Variants in SHANK2 observed in about 807,000 individuals in gnomAD.
SHANK2 encodes the protein SH3 and multiple ankyrin repeat domains protein 2.
A neutral mutation model predicts 133.7 loss-of-function variants in SHANK2; 43 were observed. The ratio of observed to expected loss-of-function variants is 0.32; its 90% confidence interval spans 0.25 to 0.41. The LOEUF (loss-of-function observed/expected upper bound fraction) is 0.41, where lower values mean the gene tolerates loss of function less well. Ranked by LOEUF, SHANK2 falls within the 10% of genes least tolerant of loss-of-function variation. SHANK2 has a pLI of 1.00. For missense variants in SHANK2, 1,994 were observed against 2,235.8 expected, an observed-to-expected ratio of 0.89 and a Z score of 2.18; for synonymous variants, 1,017 against 952.8, an observed-to-expected ratio of 1.07 and a Z score of -1.24.
chr11:70,810,558 G>T (rs904553235), intron 12 of SHANK2, among the ~76,000 whole-genome samples: 2 of 152,200 alleles, frequency 1.3e-5, no homozygotes, highest in Admixed American at 1.3e-4. Flanking sequence ...CATCTGCCCC[G>T]AGTGATGAAG....
Position 70,662,622 on chromosome 11 carries a change from G to C in SHANK2, c.1854-944C>G, listed in dbSNP as rs557310267. Among the ~76,000 whole-genome samples, 12 of 152,326 alleles carry C rather than the reference G, an allele frequency of 7.9e-5. No individual in the cohort carries two copies. The South Asian group carries it at 2.1e-3, about 26-fold the overall frequency. On this transcript the variant is annotated intron_variant, in intron 15 of 25. Coordinates refer to ENST00000601538, the MANE Select transcript of SHANK2 (RefSeq NM_012309.5). ...TGAATTCATTGCTGGGGAACTGGAGGGGGTATGTGGCTGCCCCTTTGAGAT... is the reference window on the plus strand; with the variant it reads ...TGAATTCATTGCTGGGGAACTGGAGCGGGTATGTGGCTGCCCCTTTGAGAT...
At chr11:70,796,784 C>T (rs782444182) in intron 14 of SHANK2, among the ~76,000 whole-genome samples, 2 of 152,180 alleles carry the variant, frequency 1.3e-5, no homozygotes, top group Admixed American at 1.3e-4. Context: ...CAGAAGCTCC[C>T]CCTGGTGACC....
intron 16 of SHANK2, 31 bp downstream of exon 16, chr11:70,661,565 A>T: frequency 1.3e-6 from 2 of 1,550,378 alleles, no homozygotes; most frequent in Non-Finnish European, 1.8e-6. Context: ...AAACATGGGA[A>T]CATATTCAGG....
At chr11:70,508,447 T>G (rs2059160950) in intron 17 of SHANK2, among the ~76,000 whole-genome samples, 1 of 152,232 alleles carries the variant, frequency 6.6e-6, no homozygotes, top group Non-Finnish European at 1.5e-5. Context: ...CCCCAGACAC[T>G]TGTTCTGGAC....
chr11:70,788,317 G>A (rs2135161021), intron 14 of SHANK2, among the ~76,000 whole-genome samples: 1 of 152,292 alleles, frequency 6.6e-6, no homozygotes, highest in Non-Finnish European at 1.5e-5. Context: ...TTTATCCATG[G>A]TTTCACTTTC....
In SHANK2 at chr11:70,739,628, C is replaced by CAGGGTCAGCTGGGCCCCAGGG. The variant is rs1468645598; in HGVS notation, c.1778-40886_1778-40866dup. Reference sequence around the variant, plus strand: ...GTTGGTCCAGGGTCCCACCACCAGCCAGGGTCAGCTGGGCCCCAGGGAGGC... The same window carrying CAGGGTCAGCTGGGCCCCAGGG: ...GTTGGTCCAGGGTCCCACCACCAGCCAGGGTCAGCTGGGCCCCAGGGAGGGTCAGCTGGGCCCCAGGGAGGC... On this transcript the variant is annotated intron_variant, in intron 14 of 25. Transcript: ENST00000601538. The surrounding 1 kb of genome is among the most constrained non-coding windows in gnomAD (Gnocchi z 4.3). Among the ~76,000 whole-genome samples the CAGGGTCAGCTGGGCCCCAGGG allele has an allele frequency of 6.6e-6, 1 of 152,128 alleles. No homozygotes were observed. Among genetic ancestry groups the CAGGGTCAGCTGGGCCCCAGGG allele is most frequent in the Non-Finnish European group, 1.5e-5 (1 of 68,024 alleles).
intron 21 of SHANK2, among the ~76,000 whole-genome samples, chr11:70,499,220 C>G (rs1463338740): frequency 2.0e-5 from 3 of 152,268 alleles, no homozygotes; most frequent in African/African-American, 7.2e-5. Context: ...CTTCAGTCCC[C>G]AGCTGGATCC....
intron 14 of SHANK2, among the ~76,000 whole-genome samples, chr11:70,702,391 TCAC>T (rs1332679702): frequency 6.7e-6 from 1 of 150,348 alleles, no homozygotes; most frequent in African/African-American, 2.5e-5. Context: ...ACCACCATCA[TCAC>T]CACCATCCTC....
intron 14 of SHANK2, among the ~76,000 whole-genome samples, chr11:70,746,140 AC>A: frequency 6.6e-6 from 1 of 152,336 alleles, no homozygotes; most frequent in South Asian, 2.1e-4. Context: ...GGTGACTCTG[AC>A]ACGGTCCAGG....
intron 14 of SHANK2, among the ~76,000 whole-genome samples, chr11:70,786,690 A>G (rs1947660972): frequency 6.6e-6 from 1 of 152,138 alleles, no homozygotes; most frequent in African/African-American, 2.4e-5. Context: ...AATTTCAAGA[A>G]CTAGAAGGGG....
chr11:71,192,447 C>G (rs1427540614), intron 2 of SHANK2, among the ~76,000 whole-genome samples: 1 of 152,170 alleles, frequency 6.6e-6, no homozygotes, highest in Admixed American at 6.5e-5. Flanking sequence ...TGTCAGAATC[C>G]ACATTTGTGA....
At chr11:71,142,184 C>T (rs1229107021) in intron 3 of SHANK2, among the ~76,000 whole-genome samples, 1 of 152,124 alleles carries the variant, frequency 6.6e-6, no homozygotes, top group Admixed American at 6.6e-5. Flanking sequence ...TAACTGAGAA[C>T]ACAACAATTA....
chr11:70,695,203 T>G (rs551081536), intron 15 of SHANK2, among the ~76,000 whole-genome samples: 1 of 152,276 alleles, frequency 6.6e-6, no homozygotes, highest in South Asian at 2.1e-4. Flanking sequence ...GTTCCAACTT[T>G]GCAAGATGAA....
At chr11:70,590,453 T>C (rs1325135078) in intron 17 of SHANK2, among the ~76,000 whole-genome samples, 1 of 152,200 alleles carries the variant, frequency 6.6e-6, no homozygotes, top group Non-Finnish European at 1.5e-5. Context: ...CAAACAGCAT[T>C]GCATGCTACA....
intron 17 of SHANK2, among the ~76,000 whole-genome samples, chr11:70,638,002 C>T (rs1330572077): frequency 6.6e-5 from 10 of 152,234 alleles, no homozygotes; most frequent in African/African-American, 2.4e-4. Flanking sequence ...CAGGTGGGTC[C>T]CATTCACAGA....
intron 11 of SHANK2, among the ~76,000 whole-genome samples, chr11:70,855,476 A>C (rs559059402): frequency 2.6e-5 from 4 of 152,314 alleles, no homozygotes; most frequent in African/African-American, 9.6e-5. Context: ...GTCCCCCTTT[A>C]GCCAGCTTCC....
In SHANK2 at chr11:71,061,805, G is replaced by A. The variant is rs904100130; in HGVS notation, c.1030-5247C>T. Reference sequence around the variant, plus strand: ...TCTCCACCAGGATGAGACAGAGTGTGGAGAGCACTGGGCAGGTCCCTGGCT... The same window carrying A: ...TCTCCACCAGGATGAGACAGAGTGTAGAGAGCACTGGGCAGGTCCCTGGCT... On this transcript the variant is annotated intron_variant, in intron 9 of 25. Transcript: ENST00000601538. Among the ~76,000 whole-genome samples the A allele has an allele frequency of 1.8e-4, 28 of 152,184 alleles. 1 individual carries two copies. The highest frequency in any genetic ancestry group is 3.9e-4 in the Admixed American group (6 of 15,284).
chr11:70,898,078 T>C (rs1555076010), intron 10 of SHANK2, among the ~76,000 whole-genome samples: 2 of 151,680 alleles, frequency 1.3e-5, no homozygotes, highest in East Asian at 3.9e-4. Context: ...TTCTTGTGCC[T>C]CAGCCTCCTG....
chr11:70,909,229 T>C (rs1053195463), intron 10 of SHANK2, among the ~76,000 whole-genome samples: 1 of 152,200 alleles, frequency 6.6e-6, no homozygotes, highest in Middle Eastern at 3.2e-3. Flanking sequence ...TGCAGAGGAA[T>C]GATTTTCAAG....
Sources: allele counts gnomAD v4.1 joint callset (sites outside exome capture counted in the v4.1 genomes callset), GRCh38; gene constraint gnomAD v4.1.1; non-coding constraint Gnocchi (gnomAD v3.1); transcripts MANE v1.5; gene names NCBI Gene and HGNC (gene_info 2026-07-23, HGNC 2026-07-21).